Variants in KLF8 observed in about 807,000 individuals in gnomAD.
The protein encoded by KLF8 is Krueppel-like factor 8.
KLF8 carries 10 observed loss-of-function variants against 18.2 expected under a neutral mutation model. That is an observed-to-expected ratio of 0.55 (90% CI 0.34 to 0.93). KLF8 has a LOEUF of 0.93. Ranked by LOEUF, KLF8 falls within the 40% of genes least tolerant of loss-of-function variation. The probability of loss-of-function intolerance (pLI) is 0.02; values close to 1 mark genes in which losing one functional copy is unlikely to be tolerated. For synonymous variants in KLF8, 109 were observed against 97.3 expected (o/e 1.12, Z -0.71); for missense variants, 264 against 277.9 (o/e 0.95, Z 0.36).
At chrX:56,250,398 A>G in intron 2 of KLF8, 94 bp downstream of exon 2, 2 of 665,050 alleles carry the variant, frequency 3.0e-6, no homozygotes, top group Non-Finnish European at 4.7e-6. Context: ...TTTTCTTTCT[A>G]TAACATGTTT....
At chrX:56,019,005 A>G in the KLF8 span, among the ~76,000 whole-genome samples, 2 of 111,845 alleles carry the variant, frequency 1.8e-5, no homozygotes, top group Admixed American at 1.9e-4. Context: ...CTCTTTGATC[A>G]TCTCAGGGAT....
the KLF8 span, among the ~76,000 whole-genome samples, chrX:56,004,494 A>G: frequency 1.8e-5 from 2 of 111,997 alleles, no homozygotes; most frequent in African/African-American, 6.5e-5. Flanking sequence ...GAAGAGGTAC[A>G]AGTAGGAAAT....
the KLF8 span, among the ~76,000 whole-genome samples, chrX:56,036,811 A>T: frequency 8.9e-6 from 1 of 111,826 alleles, no homozygotes. Context: ...ATTCATAAGC[A>T]TGAGATGTCT....
At chrX:55,969,961 C>G in the KLF8 span, among the ~76,000 whole-genome samples, 1 of 110,933 alleles carries the variant, frequency 9.0e-6, no homozygotes, top group Non-Finnish European at 1.9e-5. Context: ...CAAAGAAAAT[C>G]TGATGACTCA....
chrX:56,137,285 G>T, the KLF8 span, among the ~76,000 whole-genome samples: 3 of 108,921 alleles, frequency 2.8e-5, no homozygotes, highest in Non-Finnish European at 5.7e-5. Context: ...AAATCATGCT[G>T]CTATAAAGAC....
intron 1 of KLF8, among the ~76,000 whole-genome samples, chrX:56,249,024 TG>T (rs2147602534): frequency 8.9e-6 from 1 of 112,353 alleles, no homozygotes; most frequent in South Asian, 3.7e-4. Context: ...AAAACAAAGA[TG>T]AAAGTATCTG....
chrX:56,227,778 G>T (rs2066378839), upstream of KLF8, among the ~76,000 whole-genome samples: 1 of 110,035 alleles, frequency 9.1e-6, no homozygotes, highest in South Asian at 3.9e-4. Flanking sequence ...TGATTATAAA[G>T]TCTCTTCCCT....
chrX:56,158,821 G>A, the KLF8 span, among the ~76,000 whole-genome samples: 2 of 111,813 alleles, frequency 1.8e-5, no homozygotes, highest in Non-Finnish European at 3.8e-5. Context: ...ATACAATCAT[G>A]TCAACTGCAA....
chrX:56,179,733 C>T, the KLF8 span, among the ~76,000 whole-genome samples: 757 of 111,769 alleles, frequency 6.8e-3, 7 homozygotes, highest in African/African-American at 0.023. Context: ...GCCTTTATTG[C>T]ATCTATTGAG....
chrX:55,935,480 C>T, the KLF8 span, among the ~76,000 whole-genome samples: 1 of 112,304 alleles, frequency 8.9e-6, no homozygotes, highest in Admixed American at 9.4e-5. Flanking sequence ...GAACTATTTA[C>T]TTGTAAACAA....
chrX:55,946,055 AC>A, the KLF8 span, among the ~76,000 whole-genome samples: 1 of 111,784 alleles, frequency 8.9e-6, no homozygotes, highest in African/African-American at 3.3e-5. Context: ...AAATGGCCAT[AC>A]TGCCCAAGGT....
At chrX:56,088,187 A>G in the KLF8 span, among the ~76,000 whole-genome samples, 6 of 111,370 alleles carry the variant, frequency 5.4e-5, no homozygotes, top group Non-Finnish European at 9.4e-5. Flanking sequence ...AATTCACCAG[A>G]AGCAATGCTC....
At chrX:56,043,974 A>G in the KLF8 span, among the ~76,000 whole-genome samples, 79 of 112,081 alleles carry the variant, frequency 7.0e-4, no homozygotes, top group African/African-American at 2.2e-3. Context: ...TGACATTTGA[A>G]TGAGGTTTTT....
At chrX:56,250,436 A>G (rs1045655335) in intron 2 of KLF8, 132 bp downstream of exon 2, 1 of 500,964 alleles carries the variant, frequency 2.0e-6, no homozygotes, top group South Asian at 3.5e-5. Context: ...GAAGGAAGAC[A>G]TATTTCTAGA....
the KLF8 span, among the ~76,000 whole-genome samples, chrX:56,194,348 A>G: frequency 9.0e-6 from 1 of 111,591 alleles, no homozygotes. Flanking sequence ...GAAAAACGGG[A>G]CACTCCCACC....
At chrX:56,175,705 G>C in the KLF8 span, among the ~76,000 whole-genome samples, 5 of 111,208 alleles carry the variant, frequency 4.5e-5, no homozygotes. Flanking sequence ...GGGTGTAAAA[G>C]TCTCCCATTA....
At chrX:56,043,397 C>T in the KLF8 span, among the ~76,000 whole-genome samples, 2 of 111,253 alleles carry the variant, frequency 1.8e-5, no homozygotes, top group East Asian at 5.6e-4. Context: ...GGATGATATC[C>T]TGAAGTATAT....
chrX:55,951,631 G>A, the KLF8 span, among the ~76,000 whole-genome samples: 1 of 110,416 alleles, frequency 9.1e-6, no homozygotes, highest in Admixed American at 9.7e-5. Context: ...GGCTAGTGAA[G>A]GAGGCTTCAA....
At chrX:56,164,735 T>C in the KLF8 span, among the ~76,000 whole-genome samples, 1 of 97,432 alleles carries the variant, frequency 1.0e-5, no homozygotes, top group African/African-American at 4.0e-5. Flanking sequence ...ATCTCTTTTT[T>C]TTTTTTTTTT....
Sources: gnomAD v4.1 joint callset for allele counts (sites outside exome capture counted in the v4.1 genomes callset) on GRCh38, gnomAD v4.1.1 for gene constraint, MANE v1.5 for transcripts, NCBI Gene and HGNC (gene_info 2026-07-23, HGNC 2026-07-21) for gene names.